Variants in ZNF331 observed in about 807,000 individuals in gnomAD.
ZNF331 encodes C2H2-like zinc finger protein rearranged in thyroid adenomas.
Under a neutral mutation model 7.0 loss-of-function variants are expected in ZNF331, and 2 were observed. That is an observed-to-expected ratio of 0.29 (90% confidence interval 0.12 to 0.90). The LOEUF (loss-of-function observed/expected upper bound fraction) is 0.90. ZNF331 is among the 40% of genes least tolerant of loss of function. The pLI, the probability that ZNF331 is intolerant of heterozygous loss-of-function variation, is 0.58. For missense variants in ZNF331, 432 were observed against 587.7 expected (o/e 0.74, Z 2.74); for synonymous variants, 196 against 205.4 (o/e 0.95, Z 0.39).
At chr19:53,568,755 C>CAA (rs148955580) in intron 3 of ZNF331, among the ~76,000 whole-genome samples, 2 of 111,102 alleles carry the variant, frequency 1.8e-5, no homozygotes. Context: ...CTTTGAGGCG[C>CAA]AAAAAAAAAA....
chr19:53,515,994 A>T (rs2086895311), upstream of ZNF331, among the ~76,000 whole-genome samples: 2 of 152,234 alleles, frequency 1.3e-5, no homozygotes, highest in African/African-American at 4.8e-5. Context: ...ATTTATGACA[A>T]CAAGAAAAAA....
upstream of ZNF331, among the ~76,000 whole-genome samples, chr19:53,533,326 G>C (rs775483956): frequency 4.6e-5 from 7 of 151,976 alleles, no homozygotes; most frequent in African/African-American, 1.5e-4. Flanking sequence ...TTGATTTCTA[G>C]CTTAATACCA....
chr19:53,562,696 G>T (rs1449083726), intron 3 of ZNF331, among the ~76,000 whole-genome samples: 1 of 133,888 alleles, frequency 7.5e-6, no homozygotes, highest in Non-Finnish European at 1.6e-5. Context: ...ATCTCAAAAA[G>T]AAAAAAAAAA....
chr19:53,529,724 G>A (rs1318247917), intron 2 of ZNF331, among the ~76,000 whole-genome samples: 3 of 152,168 alleles, frequency 2.0e-5, no homozygotes, highest in Admixed American at 6.5e-5. Context: ...AGTGTCTGCA[G>A]TACGCCAAAC....
the ZNF331 span, among the ~76,000 whole-genome samples, chr19:53,505,635 G>T: frequency 6.6e-6 from 1 of 152,204 alleles, no homozygotes; most frequent in Admixed American, 6.5e-5. Flanking sequence ...CAAACAGGCA[G>T]AAAGAGACAA....
At chr19:53,556,035 G>C (rs1001722360) in intron 3 of ZNF331, 127 bp downstream of exon 3, 2 of 151,808 alleles carry the variant, frequency 1.3e-5, no homozygotes, top group Non-Finnish European at 2.9e-5. Context: ...ACAAGGTCTG[G>C]AGATCGAGAC....
At position 53,546,192 on chromosome 19, in the gene ZNF331, C is replaced by T. The variant is rs185229021; in HGVS notation, c.-138+6910C>T. On this transcript the variant is annotated intron_variant, in intron 2 of 5. Coordinates refer to ENST00000449416, the MANE Select transcript of ZNF331 (RefSeq NM_001079906.2). The stretch of plus-strand genomic sequence containing the variant: ...ATTTAGGTTGGTGCAAAAGTAATTG[C>T]GGTTTTTGCCATTATGTCTAATGTC... 5.5e-3 allele frequency among the ~76,000 whole-genome samples: 808 copies of T among 145,906 alleles called. 4 individuals carry two copies. Among genetic ancestry groups the T allele is most frequent in the African/African-American group, 5.1e-3 (207 of 40,232 alleles).
intron 3 of ZNF331, among the ~76,000 whole-genome samples, chr19:53,565,859 T>C (rs972475182): frequency 1.1e-4 from 17 of 152,110 alleles, no homozygotes; most frequent in African/African-American, 3.6e-4. Context: ...AAAGAAACCT[T>C]CTTTGTCTTT....
intron 2 of ZNF331, among the ~76,000 whole-genome samples, chr19:53,523,673 G>A (rs2087177993): frequency 6.6e-6 from 1 of 151,728 alleles, no homozygotes; most frequent in Admixed American, 6.6e-5. Context: ...TTGCTCTGCT[G>A]TGCATAAGTT....
At chr19:53,555,100 T>C (rs565034243) in intron 2 of ZNF331, 106 of 155,486 alleles carry the variant, frequency 6.8e-4, no homozygotes, top group Non-Finnish European at 1.2e-3. Context: ...TGGTCGGGCC[T>C]TCTGGGTGAC....
intron 2 of ZNF331, among the ~76,000 whole-genome samples, chr19:53,544,512 T>TCCA (rs1438471831): frequency 7.1e-6 from 1 of 140,978 alleles, no homozygotes; most frequent in Non-Finnish European, 1.5e-5. Context: ...GCCACTGCAC[T>TCCA]CCAGCCTGGG....
At chr19:53,550,529 C>CTTT (rs60619357) in intron 2 of ZNF331, among the ~76,000 whole-genome samples, 3,294 of 64,528 alleles carry the variant, frequency 0.051, 221 homozygotes, top group Non-Finnish European at 0.053. Context: ...TCTATTTTGT[C>CTTT]TTTTTTTTTT....
intron 3 of ZNF331, among the ~76,000 whole-genome samples, chr19:53,564,512 C>G (rs2090063765): frequency 6.6e-6 from 1 of 151,800 alleles, no homozygotes; most frequent in Non-Finnish European, 1.5e-5. Flanking sequence ...AACTCCTGAC[C>G]TCAAGTGATC....
At position 53,571,614 on chromosome 19, in the gene ZNF331, C is replaced by T. The variant is rs200701916; in HGVS notation, c.20C>T (p.Thr7Met). 5.6e-6 allele frequency: 9 copies of T among 1,613,722 alleles called. No homozygotes were observed. The highest frequency in any genetic ancestry group is 2.2e-5 in the East Asian group (1 of 44,874). The change falls in exon 5 of 6, where the codon ACG becomes ATG. Residue 7 changes from threonine (T) to methionine (M), a missense_variant. By Grantham distance (81) the Thr-to-Met change is moderately conservative. Transcript: ENST00000449416. The surrounding 1 kb of genome is among the most constrained non-coding windows in gnomAD (Gnocchi z 4.7). ...GGGTTTCTGTTTCAGGGTTTGGTGA[C>T]GTTCGCCGACGTAGCCATAGACTTT... is the stretch of plus-strand genomic sequence containing the variant. MAQGLVTFADVAIDFSQ... is the reference protein window; with the variant it reads MAQGLVMFADVAIDFSQ...
intron 2 of ZNF331, among the ~76,000 whole-genome samples, chr19:53,545,983 C>T (rs1053893546): frequency 6.6e-5 from 10 of 151,842 alleles, no homozygotes; most frequent in African/African-American, 2.4e-4. Flanking sequence ...TCACAAATGC[C>T]AGTGTCCTCT....
chr19:53,559,139 T>TAC (rs892384354), intron 3 of ZNF331, among the ~76,000 whole-genome samples: 1 of 141,402 alleles, frequency 7.1e-6, no homozygotes, highest in African/African-American at 2.5e-5. Flanking sequence ...ACACCCCATG[T>TAC]ACACACACAT....
chr19:53,535,018 C>A (rs77282677), upstream of ZNF331, among the ~76,000 whole-genome samples: 2,371 of 127,312 alleles, frequency 0.019, 161 homozygotes, highest in African/African-American at 0.05. Flanking sequence ...AGCCTGTAAC[C>A]AAAAAAAAAA....
intron 2 of ZNF331, among the ~76,000 whole-genome samples, chr19:53,552,636 G>T (rs2089082904): frequency 6.6e-6 from 1 of 152,192 alleles, no homozygotes; most frequent in Non-Finnish European, 1.5e-5. Context: ...GGAGGCTAAG[G>T]TGGGAGGATG....
chr19:53,516,993 CTT>C (rs1339518219), upstream of ZNF331, among the ~76,000 whole-genome samples: 3 of 152,128 alleles, frequency 2.0e-5, no homozygotes, highest in Admixed American at 6.5e-5. Flanking sequence ...GCATTATTCA[CTT>C]TGTTTCAGAT....
Sources: gnomAD v4.1 joint callset for allele counts (sites outside exome capture counted in the v4.1 genomes callset) on GRCh38, gnomAD v4.1.1 for gene constraint, Gnocchi (gnomAD v3.1) non-coding constraint, MANE v1.5 for transcripts, NCBI Gene and HGNC (gene_info 2026-07-23, HGNC 2026-07-21) for gene names.